Variants in REDIC1 observed in about 807,000 individuals in gnomAD.
The protein encoded by REDIC1 is HEI10 Interacting Protein 1.
the REDIC1 span, among the ~76,000 whole-genome samples, chr12:39,723,221 C>A: frequency 6.6e-6 from 1 of 152,122 alleles, no homozygotes. Context: ...TAACTGGTAT[C>A]CTTTTACTAT....
the REDIC1 span, among the ~76,000 whole-genome samples, chr12:39,746,603 G>C: frequency 1.7e-4 from 26 of 152,356 alleles, no homozygotes; most frequent in African/African-American, 6.0e-4. Context: ...GAGAGTTTGA[G>C]ATCTGAGAAC....
At chr12:39,650,041 A>G in the REDIC1 span, among the ~76,000 whole-genome samples, 7 of 151,962 alleles carry the variant, frequency 4.6e-5, no homozygotes, top group African/African-American at 1.7e-4. This position sits in a 1 kb window ranked among gnomAD's most constrained non-coding sequence, Gnocchi z 4.3. Context: ...ACAATTATTC[A>G]GATACTGGTA....
chr12:39,682,649 T>G, the REDIC1 span: 2 of 1,604,400 alleles, frequency 1.2e-6, no homozygotes, highest in Non-Finnish European at 1.7e-6. Flanking sequence ...AGCCCTGCTG[T>G]AATTATGGAT....
At chr12:39,654,214 TG>T in the REDIC1 span, among the ~76,000 whole-genome samples, 2 of 152,212 alleles carry the variant, frequency 1.3e-5, no homozygotes, top group Non-Finnish European at 1.5e-5. Flanking sequence ...ATTATGATGT[TG>T]TTTTTTTTTC....
the REDIC1 span, among the ~76,000 whole-genome samples, chr12:39,630,584 A>G: frequency 6.6e-6 from 1 of 152,216 alleles, no homozygotes; most frequent in Non-Finnish European, 1.5e-5. Context: ...GAAAAGTATG[A>G]CTTGCCATTA....
the REDIC1 span, among the ~76,000 whole-genome samples, chr12:39,853,545 T>TTTTC: frequency 5.3e-5 from 8 of 151,942 alleles, no homozygotes; most frequent in African/African-American, 1.9e-4. Context: ...CTTTCTTTTC[T>TTTTC]TTTCTTTCTT....
the REDIC1 span, chr12:39,626,193 T>C: frequency 6.2e-6 from 5 of 804,962 alleles, no homozygotes; most frequent in Non-Finnish European, 1.0e-5. Context: ...AGGTTGGGCC[T>C]CAGGCGGTGG....
At chr12:39,760,159 A>T in the REDIC1 span, 1 of 1,612,836 alleles carries the variant, frequency 6.2e-7, no homozygotes, top group African/African-American at 1.3e-5. Flanking sequence ...GAGTGATTCA[A>T]TTTCCTCTAA....
chr12:39,678,135 C>G, the REDIC1 span, among the ~76,000 whole-genome samples: 1 of 151,818 alleles, frequency 6.6e-6, no homozygotes, highest in African/African-American at 2.4e-5. Flanking sequence ...AAAAACAATA[C>G]AAAAGATAAA....
chr12:39,712,900 TGTATATAC>T, the REDIC1 span, among the ~76,000 whole-genome samples: 3 of 146,818 alleles, frequency 2.0e-5, no homozygotes, highest in African/African-American at 7.4e-5. Flanking sequence ...TGCATATACG[TGTATATAC>T]GTATATACAT....
the REDIC1 span, among the ~76,000 whole-genome samples, chr12:39,883,339 G>GT: frequency 3.9e-5 from 6 of 152,134 alleles, no homozygotes; most frequent in Admixed American, 1.3e-4. Context: ...CTCACTGCCA[G>GT]TTTGTGTTCC....
the REDIC1 span, among the ~76,000 whole-genome samples, chr12:39,750,979 T>C: frequency 6.6e-6 from 1 of 152,036 alleles, no homozygotes; most frequent in Non-Finnish European, 1.5e-5. Flanking sequence ...ACCTAGGCAA[T>C]ACCATTCAGG....
the REDIC1 span, among the ~76,000 whole-genome samples, chr12:39,883,692 A>G: frequency 1.3e-5 from 2 of 152,332 alleles, no homozygotes; most frequent in South Asian, 4.1e-4. Flanking sequence ...ACTTGTAAGT[A>G]AAACTTTGCA....
the REDIC1 span, among the ~76,000 whole-genome samples, chr12:39,861,733 C>T: frequency 1.3e-5 from 2 of 152,224 alleles, no homozygotes; most frequent in South Asian, 4.1e-4. Flanking sequence ...CTCATGCTAG[C>T]GTTATTTCTT....
At chr12:39,709,975 C>T in the REDIC1 span, among the ~76,000 whole-genome samples, 1 of 151,670 alleles carries the variant, frequency 6.6e-6, no homozygotes, top group Non-Finnish European at 1.5e-5. Flanking sequence ...TACATCCTTG[C>T]CAATATTTAT....
At chr12:39,680,042 C>T in the REDIC1 span, among the ~76,000 whole-genome samples, 2 of 152,086 alleles carry the variant, frequency 1.3e-5, no homozygotes, top group South Asian at 2.1e-4. Context: ...TAGAAGATAA[C>T]ATCGGAAAAA....
At chr12:39,734,481 G>A in the REDIC1 span, among the ~76,000 whole-genome samples, 2 of 152,058 alleles carry the variant, frequency 1.3e-5, no homozygotes, top group Non-Finnish European at 2.9e-5. Flanking sequence ...ATTTTCTCCT[G>A]CTTTTTCTTC....
At chr12:39,859,316 G>GTA in the REDIC1 span, among the ~76,000 whole-genome samples, 1 of 94,296 alleles carries the variant, frequency 1.1e-5, no homozygotes, top group Non-Finnish European at 1.9e-5. Flanking sequence ...AAAGCTGGCA[G>GTA]TTTTTTTTTT....
At chr12:39,883,034 T>C in the REDIC1 span, among the ~76,000 whole-genome samples, 6 of 152,210 alleles carry the variant, frequency 3.9e-5, no homozygotes, top group Non-Finnish European at 8.8e-5. Context: ...CATATGGCTT[T>C]CCACCTCTTT....
Sources: gnomAD v4.1 joint callset for allele counts (sites outside exome capture counted in the v4.1 genomes callset) on GRCh38, gnomAD v4.1.1 for gene constraint, Gnocchi (gnomAD v3.1) non-coding constraint, MANE v1.5 for transcripts, NCBI Gene and HGNC (gene_info 2026-07-23, HGNC 2026-07-21) for gene names.